POC5: variants seen among roughly 807,000 people sequenced by gnomAD.
The protein encoded by POC5 is centrosomal protein POC5.
In POC5, 48 loss-of-function variants were observed where a neutral mutation model predicts 62.9. The observed-to-expected ratio is 0.76, with a 90% CI of 0.61 to 0.97. POC5 has a LOEUF of 0.97. Among genes scored for constraint, POC5 ranks in the 50% least tolerant of loss-of-function variants. The pLI is 0.00. For missense variants in POC5, 696 were observed against 679.5 expected, an observed-to-expected ratio of 1.02 and a Z score of -0.27; for synonymous variants, 236 against 228.2, an observed-to-expected ratio of 1.03 and a Z score of -0.31.
At chr5:75,707,520 AG>A in intron 3 of POC5, 1 of 419,342 alleles carries the variant, frequency 2.4e-6, no homozygotes, top group Admixed American at 3.7e-5. Flanking sequence ...TCTTCATAAA[AG>A]TAAGAGTCAA....
intron 10 of POC5, among the ~76,000 whole-genome samples, chr5:75,684,107 C>T (rs916577653): frequency 1.8e-4 from 27 of 152,180 alleles, no homozygotes; most frequent in Non-Finnish European, 2.9e-5. Flanking sequence ...CTAATAGCAG[C>T]TCACTGATTC....
chr5:75,710,726 C>T (rs1777308558), intron 2 of POC5, among the ~76,000 whole-genome samples: 1 of 152,128 alleles, frequency 6.6e-6, no homozygotes, highest in Non-Finnish European at 1.5e-5. Flanking sequence ...GTAGCCTGAG[C>T]AGATTAATAT....
intron 1 of POC5, among the ~76,000 whole-genome samples, chr5:75,714,778 C>CTG (rs1777481820): frequency 6.6e-6 from 1 of 152,064 alleles, no homozygotes; most frequent in Non-Finnish European, 1.5e-5. Context: ...ACACTGGCTA[C>CTG]GTAGTGCGCT....
At chr5:75,676,616 G>A (rs1430917545) in intron 11 of POC5, among the ~76,000 whole-genome samples, 6 of 151,896 alleles carry the variant, frequency 4.0e-5, no homozygotes, top group Non-Finnish European at 8.8e-5. Flanking sequence ...ACACAGGAAC[G>A]TTGTCCGATG....
chr5:75,693,908 G>A (rs900557708), intron 6 of POC5, among the ~76,000 whole-genome samples: 4 of 152,048 alleles, frequency 2.6e-5, no homozygotes, highest in Non-Finnish European at 5.9e-5. Context: ...TCTTACCCTC[G>A]AATTCTTAAG....
chr5:75,707,382 ATCTTTAATTTTAG>A (rs1777166924), intron 3 of POC5: 1 of 178,524 alleles, frequency 5.6e-6, no homozygotes, highest in Non-Finnish European at 1.2e-5. Context: ...CAGGGTTACC[ATCTTTAATTTTAG>A]TCTTGGGCAT....
rs201831831 is a variant in POC5, at chr5:75,690,487, C to T, written c.871G>A (p.Val291Ile). 235 of 1,608,978 alleles carry T rather than the reference C, an allele frequency of 1.5e-4. 1 individual carries two copies. The highest frequency in any genetic ancestry group is 1.8e-4 in the Non-Finnish European group (213 of 1,177,276). ...ACATCTTTCCACTGCTTTTGCACTA[C>T]GGAACGCCAGACTTTCCAGACTTTC... Reference protein sequence around the residue: ...LKKVWKVWRSVVQKQWKDVVE... With the variant: ...LKKVWKVWRSIVQKQWKDVVE... Residue 291 changes from valine to isoleucine, a missense_variant, in exon 8 of 12, where the codon GTA becomes ATA. Transcript: ENST00000428202.
intron 7 of POC5, 75 bp from the exon 8 acceptor site, chr5:75,690,637 A>C: frequency 5.9e-6 from 7 of 1,176,626 alleles, no homozygotes; most frequent in Non-Finnish European, 8.4e-6. Flanking sequence ...TAAACATAAC[A>C]TGGTGGTAAG....
chr5:75,702,791 C>A lies in POC5; in HGVS notation c.327G>T (p.Ser109=), dbSNP rs746124583. The A allele has an allele frequency of 3.8e-6, 6 of 1,579,870 alleles. No individual in the cohort carries two copies. Among genetic ancestry groups the A allele is most frequent in the Non-Finnish European group, 4.3e-6 (5 of 1,161,510 alleles). Residue 109 remains serine, a synonymous_variant, in exon 5 of 12, where the codon TCG becomes TCT. Transcript: ENST00000428202. ...TGACTGGGTGAGAAGGCTTCCTTGG[C>A]GATAACACTGGTGATGACTCTGAAT... ...SKTDESSPVL[S]PRKPSHPVMD... is the part of the protein sequence containing the mutation.
intron 5 of POC5, among the ~76,000 whole-genome samples, chr5:75,696,523 C>G (rs1319468933): frequency 6.6e-6 from 1 of 151,780 alleles, no homozygotes; most frequent in Admixed American, 6.6e-5. Flanking sequence ...GGAAAACTAA[C>G]AAACAGAAAG....
chr5:75,712,958 C>T lies in POC5; in HGVS notation c.-14-7G>A. 6.3e-7 allele frequency: 1 copy of T among 1,583,788 alleles called. No individual in the cohort carries two copies. Among genetic ancestry groups the T allele is most frequent in the Non-Finnish European group, 8.6e-7 (1 of 1,161,770 alleles). On this transcript the variant is annotated splice_region_variant and splice_polypyrimidine_tract_variant and intron_variant, in intron 1 of 11. Transcript: ENST00000428202. The stretch of plus-strand genomic sequence containing the variant: ...GACATTCTGCACAAATGCTCTAAAA[C>T]AGTAGAAGCTAACTTTAGCTTTTTT...
At chr5:75,710,928 G>T (rs1197407178) in intron 2 of POC5, among the ~76,000 whole-genome samples, 1 of 151,824 alleles carries the variant, frequency 6.6e-6, no homozygotes, top group African/African-American at 2.4e-5. Context: ...CTTCTGCTCT[G>T]GATAAGAGAA....
chr5:75,714,602 G>C (rs1178028632), intron 1 of POC5, among the ~76,000 whole-genome samples: 1 of 152,182 alleles, frequency 6.6e-6, no homozygotes, highest in African/African-American at 2.4e-5. Context: ...GTGGCTTCCA[G>C]ATCTCCGGTT....
chr5:75,687,272 C>T (rs932684517), intron 9 of POC5, among the ~76,000 whole-genome samples: 2 of 152,152 alleles, frequency 1.3e-5, no homozygotes, highest in African/African-American at 4.8e-5. Flanking sequence ...CCTCGTGATC[C>T]ACTCACCTCG....
intron 3 of POC5, 122 bp downstream of exon 3, chr5:75,707,615 A>G: frequency 4.0e-6 from 3 of 757,904 alleles, no homozygotes; most frequent in Non-Finnish European, 6.3e-6. Flanking sequence ...AGATGATACT[A>G]ATACACATAA....
At chr5:75,680,116 G>A (rs191987656) in intron 10 of POC5, among the ~76,000 whole-genome samples, 1 of 152,126 alleles carries the variant, frequency 6.6e-6, no homozygotes, top group Non-Finnish European at 1.5e-5. Flanking sequence ...ATTACAATAA[G>A]GGACAAAAAA....
intron 5 of POC5, among the ~76,000 whole-genome samples, chr5:75,699,259 C>T (rs1776755766): frequency 6.6e-6 from 1 of 151,908 alleles, no homozygotes. Flanking sequence ...GGCAGAGACA[C>T]AACCAAAAAA....
At chr5:75,698,657 A>G (rs1221698199) in intron 5 of POC5, among the ~76,000 whole-genome samples, 1 of 152,176 alleles carries the variant, frequency 6.6e-6, no homozygotes, top group Non-Finnish European at 1.5e-5. Flanking sequence ...AATTAAAAGA[A>G]CTAGAAAAGC....
intron 10 of POC5, among the ~76,000 whole-genome samples, chr5:75,680,099 ATTAC>A (rs769880686): frequency 3.9e-5 from 6 of 152,166 alleles, no homozygotes; most frequent in Non-Finnish European, 7.4e-5. Context: ...ACTTTGTCCT[ATTAC>A]TTATTACAAT....
Sources: allele counts gnomAD v4.1 joint callset (sites outside exome capture counted in the v4.1 genomes callset), GRCh38; gene constraint gnomAD v4.1.1; transcripts MANE v1.5; gene names NCBI Gene and HGNC (gene_info 2026-07-23, HGNC 2026-07-21).